NCOA2: variants seen among roughly 807,000 people sequenced by gnomAD.
The protein encoded by NCOA2 is class E basic helix-loop-helix protein 75.
NCOA2 carries 21 observed loss-of-function variants against 145.1 expected under a neutral mutation model. That is an observed-to-expected ratio of 0.14 (90% CI 0.10 to 0.21). NCOA2 has a LOEUF of 0.21. Among genes scored for constraint, NCOA2 ranks in the 10% least tolerant of loss-of-function variants. The pLI is 1.00. For missense variants in NCOA2, 1,472 were observed against 1,837.6 expected (o/e 0.80, Z 3.64); for synonymous variants, 619 against 637.5 (o/e 0.97, Z 0.44).
rs1395758221 is a variant in NCOA2 at position 70,156,087 on chromosome 8, G to C, written c.2278C>G (p.Pro760Ala). 6.2e-7 allele frequency: 1 copy of C among 1,613,902 alleles called. No homozygotes were observed. Among genetic ancestry groups the C allele is most frequent in the Non-Finnish European group, 8.5e-7 (1 of 1,179,866 alleles). ...DKDDTKDIGL[P>A]EITPKLERLD... ...CTCTCAAGTTTGGGGGTTATTTCTG[G>C]TAAACCAATATCTTTAGTATCATCT... The change falls in exon 11 of 23, where the codon CCA becomes GCA. Residue 760 changes from proline (P) to alanine (A), a missense_variant. By Grantham distance (27) the Pro-to-Ala change is conservative (BLOSUM62 -1). This residue lies in a region of NCOA2 where 953 missense variants were observed against 1,062.1 expected (regional missense o/e 0.90). Coordinates refer to ENST00000452400, the MANE Select transcript of NCOA2 (RefSeq NM_006540.4).
intron 2 of NCOA2, among the ~76,000 whole-genome samples, chr8:70,262,852 C>T (rs1052055909): frequency 3.9e-5 from 6 of 151,914 alleles, no homozygotes; most frequent in Admixed American, 1.3e-4. Context: ...GTATATACAC[C>T]GGTTTTTCCT....
intron 4 of NCOA2, 96 bp downstream of exon 4, chr8:70,213,807 A>AT (rs1819304176): frequency 1.0e-6 from 1 of 994,368 alleles, no homozygotes; most frequent in African/African-American, 1.6e-5. Context: ...TAATTTAAGC[A>AT]TAAGAAATGG....
At chr8:70,184,875 A>G (rs773442750) in intron 4 of NCOA2, among the ~76,000 whole-genome samples, 4 of 152,200 alleles carry the variant, frequency 2.6e-5, no homozygotes, top group Non-Finnish European at 5.9e-5. Context: ...GAAAGGACTG[A>G]AAACCATCCT....
At position 70,141,268 on chromosome 8, in the gene NCOA2, G is replaced by T. The variant is rs754125031; in HGVS notation, c.2944C>A (p.Arg982=). ...MNRPVQGGMI[R]NPAASIPMRP... is the part of the protein sequence containing the mutation. The stretch of plus-strand genomic sequence containing the variant: ...ATGGGGATGCTGGCTGCTGGGTTCC[G>T]AATCATACCTCCTTGGACTGGCCGG... Residue 982 remains arginine (R), a synonymous_variant, in exon 14 of 23, where the codon CGG becomes AGG. Transcript: ENST00000452400. 2 of 1,613,874 alleles carry T rather than the reference G, an allele frequency of 1.2e-6. No individual in the cohort carries two copies. The highest frequency in any genetic ancestry group is 2.2e-5 in the South Asian group (2 of 91,042).
intron 2 of NCOA2, among the ~76,000 whole-genome samples, chr8:70,254,563 G>A (rs1056055504): frequency 6.6e-6 from 1 of 152,066 alleles, no homozygotes; most frequent in South Asian, 2.1e-4. Flanking sequence ...CAACATAAAC[G>A]AACCTTGAAG....
chr8:70,306,743 G>C (rs888777882), intron 1 of NCOA2, among the ~76,000 whole-genome samples: 1 of 152,106 alleles, frequency 6.6e-6, no homozygotes, highest in Admixed American at 6.5e-5. Context: ...GCCAGGTGTG[G>C]TGGCGCGTGC....
At chr8:70,306,062 C>G (rs771208822) in intron 1 of NCOA2, among the ~76,000 whole-genome samples, 4 of 152,098 alleles carry the variant, frequency 2.6e-5, no homozygotes, top group Non-Finnish European at 5.9e-5. Flanking sequence ...TCCTAAAAAA[C>G]TAAAAATGGG....
At chr8:70,184,181 G>C (rs894722145) in intron 4 of NCOA2, among the ~76,000 whole-genome samples, 3 of 152,124 alleles carry the variant, frequency 2.0e-5, no homozygotes, top group African/African-American at 7.2e-5. Flanking sequence ...ATGAGAAGAG[G>C]ATTTGGAAGA....
chr8:70,338,091 A>G (rs1398242767), intron 1 of NCOA2, among the ~76,000 whole-genome samples: 2 of 152,046 alleles, frequency 1.3e-5, no homozygotes, highest in Non-Finnish European at 2.9e-5. Flanking sequence ...CCAAGATCAG[A>G]GCTCAATTGA....
At chr8:70,341,886 G>A (rs995355294) in intron 1 of NCOA2, among the ~76,000 whole-genome samples, 4 of 152,098 alleles carry the variant, frequency 2.6e-5, no homozygotes, top group African/African-American at 9.7e-5. Flanking sequence ...TCTACTCAAT[G>A]TATTTTGTGC....
At chr8:70,356,374 C>T (rs999209856) in intron 1 of NCOA2, among the ~76,000 whole-genome samples, 3 of 152,054 alleles carry the variant, frequency 2.0e-5, no homozygotes, top group Non-Finnish European at 4.4e-5. Context: ...GCAGCAAAAA[C>T]AAGTAAAATC....
chr8:70,392,689 A>G lies in NCOA2; in HGVS notation c.-77+11011T>C, dbSNP rs1202389882. 7.2e-5 allele frequency among the ~76,000 whole-genome samples: 11 copies of G among 152,308 alleles called. 1 individual carries two copies. Among genetic ancestry groups the G allele is most frequent in the Middle Eastern group, 3.4e-3 (1 of 294 alleles). On this transcript the variant is annotated intron_variant, in intron 1 of 22. Coordinates refer to ENST00000452400, the MANE Select transcript of NCOA2 (RefSeq NM_006540.4). Reference sequence around the variant, plus strand: ...TTTGGTTTTGTTTTATTACCTTTTCAGAACTACTGAATTTCCCCAAGGTTT... The same window carrying G: ...TTTGGTTTTGTTTTATTACCTTTTCGGAACTACTGAATTTCCCCAAGGTTT...
At chr8:70,169,355 C>T in intron 6 of NCOA2, among the ~76,000 whole-genome samples, 1 of 152,186 alleles carries the variant, frequency 6.6e-6, no homozygotes, top group South Asian at 2.1e-4. Context: ...CCTACAGGGC[C>T]CACTGGAGAG....
intron 1 of NCOA2, among the ~76,000 whole-genome samples, chr8:70,392,387 T>C (rs1160747709): frequency 2.6e-5 from 4 of 152,210 alleles, no homozygotes; most frequent in Non-Finnish European, 4.4e-5. Context: ...GACAGATGGA[T>C]AGCCTTCTGA....
chr8:70,188,645 T>G (rs1479848497), intron 4 of NCOA2, among the ~76,000 whole-genome samples: 1 of 152,004 alleles, frequency 6.6e-6, no homozygotes, highest in Non-Finnish European at 1.5e-5. Flanking sequence ...AATTTAATTG[T>G]ACAACAAAAA....
At chr8:70,453,200 T>C in the NCOA2 span, among the ~76,000 whole-genome samples, 19 of 152,212 alleles carry the variant, frequency 1.2e-4, no homozygotes, top group Non-Finnish European at 1.5e-4. Flanking sequence ...AAAGTGTTCC[T>C]GATGAAACTT....
intron 1 of NCOA2, among the ~76,000 whole-genome samples, chr8:70,319,025 T>G (rs1008027730): frequency 6.6e-6 from 1 of 152,172 alleles, no homozygotes; most frequent in African/African-American, 2.4e-5. Flanking sequence ...AAACTTCCAT[T>G]TTTTCCCAGT....
In NCOA2 at chr8:70,111,698, C is replaced by A. The variant is rs374209511; in HGVS notation, c.*1934G>T. 3.7e-5 allele frequency: 8 copies of A among 213,476 alleles called. No homozygotes were observed. The highest frequency in any genetic ancestry group is 2.8e-4 in the East Asian group (4 of 14,158). 13.2% of individuals were successfully genotyped at this position (213,476 alleles called of 1,614,324 possible). ...TGTCTACTTACCATCTATCTTTGGG[C>A]TATATCTCTTCCTATATTTCCATAA... On this transcript the variant is annotated 3_prime_UTR_variant, in exon 23 of 23. Coordinates refer to ENST00000452400, the MANE Select transcript of NCOA2 (RefSeq NM_006540.4).
At chr8:70,451,027 G>A in the NCOA2 span, among the ~76,000 whole-genome samples, 5 of 149,930 alleles carry the variant, frequency 3.3e-5, no homozygotes, top group South Asian at 2.1e-4. Context: ...AACAGTCTGG[G>A]TAACATGGTG....
Sources: gnomAD v4.1 joint callset for allele counts (sites outside exome capture counted in the v4.1 genomes callset) on GRCh38, gnomAD v4.1.1 for gene constraint, gnomAD v4.1.1 regional missense constraint, MANE v1.5 for transcripts, NCBI Gene and HGNC (gene_info 2026-07-23, HGNC 2026-07-21) for gene names.